Variants in CPAMD8 observed in about 807,000 individuals in gnomAD.
CPAMD8 encodes the protein C3 and PZP like alpha-2-macroglobulin domain containing 8.
A neutral mutation model predicts 224.7 loss-of-function variants in CPAMD8; 146 were observed. That is an observed-to-expected ratio of 0.65 (90% CI 0.57 to 0.75). The LOEUF is 0.75. Among genes scored for constraint, CPAMD8 ranks in the 30% least tolerant of loss-of-function variants. CPAMD8 has a pLI of 0.00. For missense variants in CPAMD8, 2,301 were observed against 2,537.5 expected (o/e 0.91, Z 2.00); for synonymous variants, 966 against 1,044.6 (o/e 0.92, Z 1.45).
At chr19:16,922,373 G>A (rs79741505) in intron 26 of CPAMD8, among the ~76,000 whole-genome samples, 119 of 137,620 alleles carry the variant, frequency 8.6e-4, no homozygotes, top group African/African-American at 3.0e-3. Context: ...GAACCGCAGC[G>A]CACCACATCT....
intron 10 of CPAMD8, among the ~76,000 whole-genome samples, chr19:16,998,006 G>A (rs1475217092): frequency 6.6e-6 from 1 of 152,186 alleles, no homozygotes; most frequent in African/African-American, 2.4e-5. Context: ...CATTCAGAAA[G>A]AGCTGTGGAG....
chr19:16,939,175 T>C (rs113171848), intron 22 of CPAMD8, among the ~76,000 whole-genome samples: 135 of 82,350 alleles, frequency 1.6e-3, no homozygotes, highest in African/African-American at 4.5e-3. Flanking sequence ...ATTTATTTAT[T>C]TATTTATTTA....
At chr19:17,015,059 T>C (rs1353448010) in intron 3 of CPAMD8, among the ~76,000 whole-genome samples, 2 of 152,270 alleles carry the variant, frequency 1.3e-5, no homozygotes, top group African/African-American at 2.4e-5. Flanking sequence ...CTGGCCAACA[T>C]GGCGAAGCCC....
In CPAMD8 at chr19:16,921,991, G is replaced by A. The variant is rs760719464; in HGVS notation, c.3548-5C>T. On this transcript the variant is annotated splice_region_variant and splice_polypyrimidine_tract_variant and intron_variant, in intron 26 of 41. Transcript: ENST00000443236. The stretch of plus-strand genomic sequence containing the variant: ...AGGTCAGCTGGCGCTGGTAGCCTGT[G>A]GGGCAAGCAGAGAGGACCCTGTCCT... 6.5e-7 allele frequency: 1 copy of A among 1,545,532 alleles called. No individual in the cohort carries two copies. The highest frequency in any genetic ancestry group is 2.4e-5 in the East Asian group (1 of 40,886).
At chr19:17,011,883 C>A in intron 3 of CPAMD8, 126 bp from the exon 4 acceptor site, 2 of 1,066,746 alleles carry the variant, frequency 1.9e-6, no homozygotes, top group South Asian at 1.6e-5. Context: ...CCCAGGGGGA[C>A]ACTTGGCAGT....
At chr19:16,948,308 C>A (rs1304648680) in intron 20 of CPAMD8, among the ~76,000 whole-genome samples, 1 of 152,176 alleles carries the variant, frequency 6.6e-6, no homozygotes. Flanking sequence ...TGGAGAGAAG[C>A]ATGCGGGGAA....
intron 23 of CPAMD8, among the ~76,000 whole-genome samples, chr19:16,938,074 A>ACCGTGC (rs1286851845): frequency 3.3e-5 from 5 of 152,224 alleles, no homozygotes; most frequent in African/African-American, 4.8e-5. Context: ...GGTGTGAGCC[A>ACCGTGC]CCGTGCCCGG....
At chr19:17,004,767 G>A (rs535510497) in intron 7 of CPAMD8, among the ~76,000 whole-genome samples, 3 of 152,210 alleles carry the variant, frequency 2.0e-5, no homozygotes, top group East Asian at 3.9e-4. Context: ...CTGGGGCCAC[G>A]TGGCTCTCTG....
In CPAMD8 at chr19:16,957,865, C is replaced by A. The variant is rs1453461454; in HGVS notation, c.2264G>T (p.Cys755Phe). 6.2e-7 allele frequency: 1 copy of A among 1,614,152 alleles called. No homozygotes were observed. Among genetic ancestry groups the A allele is most frequent in the East Asian group, 2.2e-5 (1 of 44,890 alleles). ...AATCTTAATGTACCTGATGTTGAGA[C>A]AATGCCAAATCCATGTTTCGGGGAA... ...TFFPETWIWHCLNISDPSGEG... is the reference protein window; with the variant it reads ...TFFPETWIWHFLNISDPSGEG... Residue 755 changes from cysteine (C) to phenylalanine (F), a missense_variant, in exon 19 of 42, where the codon TGT becomes TTT. Physicochemically the swap from Cys to Phe is radical, Grantham distance 205. Transcript: ENST00000443236.
chr19:16,902,697 G>C lies in CPAMD8; in HGVS notation c.4637C>G (p.Ala1546Gly), dbSNP rs1221451352. 6.2e-7 allele frequency: 1 copy of C among 1,608,602 alleles called. No individual in the cohort carries two copies. The highest frequency in any genetic ancestry group is 1.7e-5 in the Admixed American group (1 of 59,700). The change falls in exon 35 of 42, where the codon GCC becomes GGC. Residue 1546 changes from alanine (A) to glycine (G), a missense_variant. Coordinates refer to ENST00000443236, the MANE Select transcript of CPAMD8 (RefSeq NM_015692.5). ...CTTGTATTCCTGGTGATGCTGATCG[G>C]CCGCTGGGTCATCATCGTCAGCTGG... ...WPPADDDDPA[A>G]DQHHQEYKVM...
At chr19:17,011,386 C>G in intron 5 of CPAMD8, 78 bp downstream of exon 5, 3 of 1,458,486 alleles carry the variant, frequency 2.1e-6, no homozygotes, top group Non-Finnish European at 1.9e-6. Flanking sequence ...AGAGAAAGAC[C>G]CGTTTCCGAT....
chr19:16,997,707 C>G (rs2056178843), intron 10 of CPAMD8, among the ~76,000 whole-genome samples: 2 of 152,018 alleles, frequency 1.3e-5, no homozygotes, highest in Non-Finnish European at 2.9e-5. Flanking sequence ...AAAAAAATAG[C>G]TGGGCGTGGT....
chr19:16,911,059 A>G (rs557023863), intron 29 of CPAMD8, among the ~76,000 whole-genome samples: 2 of 152,326 alleles, frequency 1.3e-5, no homozygotes, highest in Non-Finnish European at 1.5e-5. Flanking sequence ...TGGCAGCCAC[A>G]GGAAATGAAG....
intron 9 of CPAMD8, 31 bp downstream of exon 9, chr19:17,002,235 C>G (rs763221507): frequency 9.7e-6 from 14 of 1,437,772 alleles, no homozygotes; most frequent in African/African-American, 2.8e-5. Flanking sequence ...AAGGGCCCCC[C>G]CAGTGTGCCC....
intron 13 of CPAMD8, among the ~76,000 whole-genome samples, chr19:16,986,742 A>C (rs2055734357): frequency 6.6e-6 from 1 of 152,078 alleles, no homozygotes; most frequent in African/African-American, 2.4e-5. Context: ...ATTTCTGCCA[A>C]GGCTGGGGCT....
chr19:16,914,417 T>C lies in CPAMD8; in HGVS notation c.3861+7A>G. 6.2e-7 allele frequency: 1 copy of C among 1,613,852 alleles called. No homozygotes were observed. The highest frequency in any genetic ancestry group is 8.5e-7 in the Non-Finnish European group (1 of 1,179,738). On this transcript the variant is annotated splice_region_variant and intron_variant, in intron 29 of 41. Transcript: ENST00000443236. ...CCCGAGTCTCCCCAAACCCCTTCTGTACTCACCTCTGAGGCTGTGCCTGTT... is the reference window on the plus strand; with the variant it reads ...CCCGAGTCTCCCCAAACCCCTTCTGCACTCACCTCTGAGGCTGTGCCTGTT...
At position 16,987,959 on chromosome 19, in the gene CPAMD8, C is replaced by T. The variant is rs537437317; in HGVS notation, c.1395+1684G>A. On this transcript the variant is annotated intron_variant, in intron 13 of 41. Transcript: ENST00000443236. Reference sequence around the variant, plus strand: ...GGTTACAGGTGTGAGCCACCACGCCCGGTCGGGAACTCTACTTTTTGTTCA... The same window carrying T: ...GGTTACAGGTGTGAGCCACCACGCCTGGTCGGGAACTCTACTTTTTGTTCA... Among the ~76,000 whole-genome samples, 181 of 152,190 alleles carry T rather than the reference C, an allele frequency of 1.2e-3. No individual in the cohort carries two copies. In the Middle Eastern group the frequency reaches 0.014, roughly 11 times the overall value.
chr19:16,983,096 G>A (rs988596394), intron 13 of CPAMD8, among the ~76,000 whole-genome samples: 1 of 152,114 alleles, frequency 6.6e-6, no homozygotes, highest in African/African-American at 2.4e-5. Flanking sequence ...ACGTGGAACT[G>A]TGAATCCATT....
chr19:16,904,176 A>AGGCCCCCCCCCCCCCCCCCCCCCCCCCC, intron 32 of CPAMD8, 50 bp downstream of exon 32: 2 of 937,332 alleles, frequency 2.1e-6, no homozygotes, highest in East Asian at 2.6e-5. Context: ...GACTGCAGGG[A>AGGCCCCCCCCCCCCCCCCCCCCCCCCCC]CCCCACCCAC....
Sources: allele counts gnomAD v4.1 joint callset (sites outside exome capture counted in the v4.1 genomes callset), GRCh38; gene constraint gnomAD v4.1.1; transcripts MANE v1.5; gene names NCBI Gene and HGNC (gene_info 2026-07-23, HGNC 2026-07-21).